TMC7: variants seen among roughly 807,000 people sequenced by gnomAD.
The protein encoded by TMC7 is transmembrane channel like 7.
A neutral mutation model predicts 82.9 loss-of-function variants in TMC7; 54 were observed. The ratio of observed to expected loss-of-function variants is 0.65; its 90% CI spans 0.52 to 0.82. The LOEUF (loss-of-function observed/expected upper bound fraction) is 0.82. Among genes scored for constraint, TMC7 ranks in the 40% least tolerant of loss-of-function variants. TMC7 has a pLI of 0.00. For missense variants in TMC7, 820 were observed against 901.2 expected, an observed-to-expected ratio of 0.91 and a Z score of 1.15; for synonymous variants, 350 against 337.9, an observed-to-expected ratio of 1.04 and a Z score of -0.39.
chr16:19,048,399 A>G (rs1013753311), intron 12 of TMC7, among the ~76,000 whole-genome samples: 3 of 152,054 alleles, frequency 2.0e-5, no homozygotes, highest in Non-Finnish European at 2.9e-5. Flanking sequence ...ATCTGGGCAT[A>G]TTAACCTCTT....
chr16:18,984,543 C>G (rs1175967538), intron 1 of TMC7: 1 of 1,009,098 alleles, frequency 9.9e-7, no homozygotes, highest in African/African-American at 1.7e-5. Context: ...AACTTGAAAC[C>G]GAATTCTGCC....
intron 13 of TMC7, among the ~76,000 whole-genome samples, chr16:19,052,118 G>A (rs544416425): frequency 2.6e-5 from 4 of 152,204 alleles, no homozygotes; most frequent in Middle Eastern, 3.4e-3. Flanking sequence ...TATTAGTAGT[G>A]ACAGGGTTTC....
chr16:19,046,980 A>C (rs371279836), intron 11 of TMC7, 83 bp from the exon 12 acceptor site: 2 of 1,215,460 alleles, frequency 1.6e-6, no homozygotes, highest in Admixed American at 2.4e-5. Context: ...AGAAATATGC[A>C]TGGAAATAGT....
In TMC7 at chr16:19,045,429, T is replaced by C; in HGVS notation, c.1544T>C (p.Phe515Ser). 1 of 1,613,534 alleles carries C rather than the reference T, an allele frequency of 6.2e-7. No individual in the cohort carries two copies. The highest frequency in any genetic ancestry group is 2.2e-5 in the East Asian group (1 of 44,852). ...TTGGCTGTGACACTCTTCGTGGATT[T>C]TCCTAGAAAGTAAGTGCGAGGGGTG... ...IILAVTLFVD[F>S]PRKLLVTYCS... Residue 515 changes from phenylalanine (F) to serine (S), a missense_variant, in exon 11 of 16, where the codon TTT becomes TCT. This residue lies in a region of TMC7 where 650 missense variants were observed against 669.9 expected (regional missense o/e 0.97). Transcript: ENST00000304381.
intron 5 of TMC7, among the ~76,000 whole-genome samples, chr16:19,026,118 C>A (rs1363283963): frequency 6.6e-6 from 1 of 151,574 alleles, no homozygotes; most frequent in East Asian, 1.9e-4. Context: ...CTCACGTTTT[C>A]CTAAAAACAA....
chr16:18,985,705 T>G (rs1293269172), intron 1 of TMC7, among the ~76,000 whole-genome samples: 1 of 151,870 alleles, frequency 6.6e-6, no homozygotes, highest in East Asian at 1.9e-4. Flanking sequence ...TGAGTTTTTT[T>G]TTTTTTTTTT....
intron 1 of TMC7, among the ~76,000 whole-genome samples, chr16:19,005,389 G>T (rs12932258): frequency 1.3e-5 from 2 of 152,066 alleles, no homozygotes; most frequent in African/African-American, 4.8e-5. Context: ...CGCCTGGCCC[G>T]CATGTTAAAT....
intron 13 of TMC7, among the ~76,000 whole-genome samples, chr16:19,052,621 T>G (rs1361510108): frequency 6.6e-6 from 1 of 152,112 alleles, no homozygotes; most frequent in African/African-American, 2.4e-5. Context: ...AGACCAGCAT[T>G]GGCAACATAG....
intron 5 of TMC7, among the ~76,000 whole-genome samples, chr16:19,026,338 G>T (rs1461414432): frequency 6.6e-6 from 1 of 151,636 alleles, no homozygotes; most frequent in Non-Finnish European, 1.5e-5. Flanking sequence ...TTAGCCAGGC[G>T]TGGTGGCAGG....
At position 19,030,229 on chromosome 16, in the gene TMC7, C is replaced by T. The variant is rs1184263347; in HGVS notation, c.717C>T (p.Phe239=). The T allele has an allele frequency of 1.2e-6, 2 of 1,610,320 alleles. No homozygotes were observed. The highest frequency in any genetic ancestry group is 1.7e-6 in the Non-Finnish European group (2 of 1,178,864). The change falls in exon 6 of 16, where the codon TTC becomes TTT. Residue 239 remains phenylalanine, a synonymous_variant. Coordinates refer to ENST00000304381, the MANE Select transcript of TMC7 (RefSeq NM_024847.4). ...YIIDLLSGTG[F]LEETSLFYGH... is the part of the protein sequence containing the mutation. ...TGCTCTTGGCTTCGTTTCAGGGTTT[C>T]CTGGAGGAAACTAGCCTCTTTTACG... is the stretch of plus-strand genomic sequence containing the variant.
At chr16:19,015,615 G>C (rs1291727573) in intron 2 of TMC7, among the ~76,000 whole-genome samples, 4 of 146,394 alleles carry the variant, frequency 2.7e-5, no homozygotes, top group African/African-American at 1.0e-4. Context: ...TTGTTGCCCA[G>C]ACTGGCCAAC....
chr16:18,989,934 G>A (rs1376492662), intron 1 of TMC7, among the ~76,000 whole-genome samples: 1 of 152,056 alleles, frequency 6.6e-6, no homozygotes, highest in Non-Finnish European at 1.5e-5. Flanking sequence ...CTTTGTGTGA[G>A]CAACATGGCT....
intron 6 of TMC7, among the ~76,000 whole-genome samples, chr16:19,034,469 G>A (rs1960653092): frequency 6.7e-6 from 1 of 148,642 alleles, no homozygotes; most frequent in South Asian, 2.1e-4. Context: ...GTGGTGGCAG[G>A]CGCCTGTAAT....
In TMC7 at chr16:19,049,080, G is replaced by A. The variant is rs139670755; in HGVS notation, c.1740+1831G>A. ...GGGCCTCACTCCAAGTTGGAGTGCC[G>A]TGGCGTGATCTCAGCTCACTGCAGC... is the stretch of plus-strand genomic sequence containing the variant. On this transcript the variant is annotated intron_variant, in intron 12 of 15. Transcript: ENST00000304381. 4.3e-3 allele frequency among the ~76,000 whole-genome samples: 660 copies of A among 152,108 alleles called. 3 individuals are homozygous for A. The highest frequency in any genetic ancestry group is 5.2e-3 in the Non-Finnish European group (355 of 68,008).
chr16:18,985,460 A>C lies in TMC7; in HGVS notation c.67+1330A>C, dbSNP rs556908834. 2.3e-3 allele frequency among the ~76,000 whole-genome samples: 347 copies of C among 152,306 alleles called. 1 individual carries two copies. The highest frequency in any genetic ancestry group is 7.9e-3 in the African/African-American group (329 of 41,578). ...ATACTGCTTATGTCAGCTGAATTTC[A>C]GCCTTTCAATAACAGCTAGTCAAGT... is the stretch of plus-strand genomic sequence containing the variant. On this transcript the variant is annotated intron_variant, in intron 1 of 15. Coordinates refer to ENST00000304381, the MANE Select transcript of TMC7 (RefSeq NM_024847.4).
At chr16:19,043,656 C>T (rs947662447) in intron 9 of TMC7, among the ~76,000 whole-genome samples, 6 of 152,018 alleles carry the variant, frequency 3.9e-5, no homozygotes, top group Non-Finnish European at 8.8e-5. Flanking sequence ...CCGCAACCTT[C>T]GCCTCCCAGG....
At chr16:18,988,985 G>A (rs1370776554) in intron 1 of TMC7, among the ~76,000 whole-genome samples, 1 of 151,312 alleles carries the variant, frequency 6.6e-6, no homozygotes, top group African/African-American at 2.4e-5. Context: ...GGGAGCAGAG[G>A]TTGCTTGCAG....
At chr16:19,028,315 A>G (rs1310139288) in intron 5 of TMC7, among the ~76,000 whole-genome samples, 1 of 152,052 alleles carries the variant, frequency 6.6e-6, no homozygotes, top group African/African-American at 2.4e-5. Context: ...CTAGAGGATC[A>G]TTTGAGCCCA....
chr16:18,989,040 G>A, intron 1 of TMC7, among the ~76,000 whole-genome samples: 1 of 145,438 alleles, frequency 6.9e-6, no homozygotes, highest in Non-Finnish European at 1.5e-5. Context: ...GCAACAGAGT[G>A]AGACTCTGTC....
Sources: allele counts gnomAD v4.1 joint callset (sites outside exome capture counted in the v4.1 genomes callset), GRCh38; gene constraint gnomAD v4.1.1; regional missense constraint gnomAD v4.1.1; transcripts MANE v1.5; gene names NCBI Gene and HGNC (gene_info 2026-07-23, HGNC 2026-07-21).